TAF2: variants seen among roughly 807,000 people sequenced by gnomAD.
TAF2 encodes the protein TATA-box binding protein associated factor 2, also known as transcription initiation factor TFIID subunit 2.
TAF2 carries 61 observed loss-of-function variants against 138.5 expected under a neutral mutation model. That is an observed-to-expected ratio of 0.44 (90% CI 0.36 to 0.54). TAF2 has a LOEUF of 0.54. Among genes scored for constraint, TAF2 ranks in the 20% least tolerant of loss-of-function variants. The pLI is 0.00. For missense variants in TAF2, 1,090 were observed against 1,427.9 expected (o/e 0.76, Z 3.81); for synonymous variants, 475 against 469.9 (o/e 1.01, Z -0.14).
intron 23 of TAF2, among the ~76,000 whole-genome samples, chr8:119,746,373 C>CAAAAAAA (rs11392436): frequency 5.5e-5 from 3 of 54,316 alleles, no homozygotes; most frequent in Non-Finnish European, 1.0e-4. Flanking sequence ...AACTCTGTCT[C>CAAAAAAA]AAAAAAAAAA....
At chr8:119,754,798 T>C (rs1048405831) in intron 22 of TAF2, among the ~76,000 whole-genome samples, 1 of 152,178 alleles carries the variant, frequency 6.6e-6, no homozygotes, top group Admixed American at 6.5e-5. Flanking sequence ...CTTTAAACCA[T>C]TATTACAATT....
intron 6 of TAF2, among the ~76,000 whole-genome samples, chr8:119,801,025 T>C (rs889156709): frequency 6.6e-6 from 1 of 152,228 alleles, no homozygotes; most frequent in Admixed American, 6.5e-5. Flanking sequence ...GGGAAGAAAC[T>C]AGAAGTCTTC....
chr8:119,751,307 T>C (rs1007493371), intron 22 of TAF2, among the ~76,000 whole-genome samples: 1 of 152,174 alleles, frequency 6.6e-6, no homozygotes, highest in African/African-American at 2.4e-5. Flanking sequence ...CTGTCCCTCA[T>C]TGCCCAGAGC....
chr8:119,746,821 G>T lies in TAF2; in HGVS notation c.2992C>A (p.Leu998Ile). Reference protein sequence around the residue: ...PLPELGLVLNLKEKKAVLNPT... With the variant: ...PLPELGLVLNIKEKKAVLNPT... ...TTCAAGACAGCTTTTTTCTCCTTTA[G>T]ATTAAGAACCAACCCAAGCTCTGGC... Residue 998 changes from leucine to isoleucine, a missense_variant, in exon 23 of 26, where the codon CTA (leucine) becomes ATA (isoleucine). Physicochemically the swap from Leu to Ile is conservative, Grantham distance 5. Transcript: ENST00000378164. The T allele has an allele frequency of 6.2e-7, 1 of 1,614,066 alleles. No homozygotes were observed. The highest frequency in any genetic ancestry group is 1.1e-5 in the South Asian group (1 of 91,080).
intron 1 of TAF2, among the ~76,000 whole-genome samples, chr8:119,832,266 G>A (rs1235776668): frequency 1.3e-5 from 2 of 151,718 alleles, no homozygotes; most frequent in Admixed American, 6.6e-5. Flanking sequence ...CTAGTACTTA[G>A]ACAAAAACTT....
intron 16 of TAF2, among the ~76,000 whole-genome samples, chr8:119,781,742 C>A (rs901553234): frequency 1.3e-5 from 2 of 151,434 alleles, no homozygotes; most frequent in Non-Finnish European, 2.9e-5. Flanking sequence ...ATCGCTCAGG[C>A]TATGGTGCGA....
chr8:119,780,203 T>C (rs1163701736), intron 17 of TAF2, among the ~76,000 whole-genome samples: 1 of 152,172 alleles, frequency 6.6e-6, no homozygotes, highest in East Asian at 1.9e-4. Flanking sequence ...ATAGCTCAAA[T>C]GCTGACCATC....
At chr8:119,784,177 C>T (rs997484132) in intron 15 of TAF2, among the ~76,000 whole-genome samples, 1 of 152,134 alleles carries the variant, frequency 6.6e-6, no homozygotes, top group East Asian at 1.9e-4. Context: ...CAAAAGAACA[C>T]CACCTGTAAT....
intron 4 of TAF2, 81 bp from the exon 5 acceptor site, chr8:119,804,100 C>T: frequency 6.6e-7 from 1 of 1,512,054 alleles, no homozygotes; most frequent in Admixed American, 1.7e-5. Flanking sequence ...TAATGCTGAA[C>T]ATGAAATGGA....
intron 2 of TAF2, among the ~76,000 whole-genome samples, chr8:119,827,497 C>A (rs1341342192): frequency 6.7e-6 from 1 of 150,206 alleles, no homozygotes; most frequent in Non-Finnish European, 1.5e-5. Flanking sequence ...CCCTTCCATA[C>A]ACAGAGTAAC....
At chr8:119,802,102 T>C (rs1824307667) in intron 5 of TAF2, 77 bp from the exon 6 acceptor site, 6 of 1,226,144 alleles carry the variant, frequency 4.9e-6, no homozygotes, top group African/African-American at 1.5e-5. Context: ...CAAGTTATTT[T>C]AGCATTTCTA....
intron 23 of TAF2, 63 bp downstream of exon 23, chr8:119,746,642 A>G (rs1819994907): frequency 1.9e-6 from 3 of 1,545,630 alleles, no homozygotes; most frequent in Admixed American, 3.3e-5. Flanking sequence ...ACAGGAAACA[A>G]TTCTCTTCTC....
At chr8:119,790,440 A>C (rs989211665) in intron 11 of TAF2, among the ~76,000 whole-genome samples, 6 of 152,116 alleles carry the variant, frequency 3.9e-5, no homozygotes, top group Non-Finnish European at 8.8e-5. Flanking sequence ...TATCTCAAAA[A>C]AAAACAAAAC....
intron 25 of TAF2, among the ~76,000 whole-genome samples, chr8:119,739,043 T>C (rs1397878040): frequency 6.6e-6 from 1 of 151,342 alleles, no homozygotes; most frequent in Non-Finnish European, 1.5e-5. Context: ...TTAAAAAATT[T>C]ACCAGAATTG....
chr8:119,828,016 T>C (rs1319956241), intron 2 of TAF2, among the ~76,000 whole-genome samples: 2 of 152,120 alleles, frequency 1.3e-5, no homozygotes, highest in East Asian at 3.8e-4. Context: ...GTGCTGGGAT[T>C]ACAAGCGTGA....
chr8:119,803,485 A>AT (rs1029218319), intron 5 of TAF2, among the ~76,000 whole-genome samples: 78 of 152,184 alleles, frequency 5.1e-4, no homozygotes, highest in African/African-American at 1.8e-3. Context: ...GAGGTCAGGA[A>AT]TTAAAGGCCA....
At chr8:119,810,258 C>T (rs919914998) in intron 3 of TAF2, among the ~76,000 whole-genome samples, 3 of 152,112 alleles carry the variant, frequency 2.0e-5, no homozygotes, top group African/African-American at 7.2e-5. Context: ...ACATAGAATG[C>T]TACCTTTTGA....
intron 2 of TAF2, among the ~76,000 whole-genome samples, chr8:119,828,122 T>A (rs1057429519): frequency 6.6e-6 from 1 of 151,944 alleles, no homozygotes; most frequent in Non-Finnish European, 1.5e-5. Flanking sequence ...AGGTGATCCA[T>A]CCGCCTTGGC....
rs191998682 is a variant in TAF2, at chr8:119,741,044, G to A, written c.3337+1490C>T. 7.9e-5 allele frequency among the ~76,000 whole-genome samples: 12 copies of A among 152,216 alleles called. No homozygotes were observed. In the East Asian group the frequency reaches 2.3e-3, roughly 29 times the overall value. ...TCCTATTCCCCACCATTAGGGCTGT[G>A]TTTCTTTCTCCCCAGTCTTCCCATA... is the stretch of plus-strand genomic sequence containing the variant. On this transcript the variant is annotated intron_variant, in intron 25 of 25. Coordinates refer to ENST00000378164, the MANE Select transcript of TAF2 (RefSeq NM_003184.4).
Sources: allele counts gnomAD v4.1 joint callset (sites outside exome capture counted in the v4.1 genomes callset), GRCh38; gene constraint gnomAD v4.1.1; transcripts MANE v1.5; gene names NCBI Gene and HGNC (gene_info 2026-07-23, HGNC 2026-07-21).